PARD3: variants seen among roughly 807,000 people sequenced by gnomAD.
PARD3 encodes the protein par-3 family cell polarity regulator, also known as partitioning defective 3 homolog.
In PARD3, 75 loss-of-function variants were observed where a neutral mutation model predicts 155.4. The observed-to-expected ratio is 0.48, with a 90% CI of 0.40 to 0.58. The LOEUF is 0.58. Ranked by LOEUF, PARD3 falls within the 20% of genes least tolerant of loss-of-function variation. PARD3 has a pLI of 0.00. For missense variants in PARD3, 1,642 were observed against 1,721.7 expected, an observed-to-expected ratio of 0.95 and a Z score of 0.82; for synonymous variants, 576 against 610.5, an observed-to-expected ratio of 0.94 and a Z score of 0.83.
intron 22 of PARD3, among the ~76,000 whole-genome samples, chr10:34,194,460 A>T (rs1950851193): frequency 6.6e-6 from 1 of 152,192 alleles, no homozygotes; most frequent in Non-Finnish European, 1.5e-5. Flanking sequence ...TCGCACAGAG[A>T]AAGCAAAAAA....
At position 34,331,296 on chromosome 10, in the gene PARD3, C is replaced by T. The variant is rs1835590101; in HGVS notation, c.2654G>A (p.Ser885Asn). ...VGPSLGLKKS[S>N]SLESLQTAVA... is the part of the protein sequence containing the mutation. ...TGCGGTCTGCAGACTCTCCAACGAGCTTGACTTCTTCAGACCCAGGGAAGG... is the reference window on the plus strand; with the variant it reads ...TGCGGTCTGCAGACTCTCCAACGAGTTTGACTTCTTCAGACCCAGGGAAGG... The change falls in exon 19 of 25, where the codon AGC (serine) becomes AAC (asparagine). Residue 885 changes from serine to asparagine, a missense_variant. Ser to Asn is a conservative substitution (Grantham distance 46). Transcript: ENST00000374788. 2 of 1,613,956 alleles carry T rather than the reference C, an allele frequency of 1.2e-6. No homozygotes were observed. Among genetic ancestry groups the T allele is most frequent in the South Asian group, 2.2e-5 (2 of 91,076 alleles).
rs148582124 is a variant in PARD3 at position 34,382,798 on chromosome 10, G to A, written c.1141C>T (p.Arg381Cys). 37 of 1,614,134 alleles carry A rather than the reference G, an allele frequency of 2.3e-5. No homozygotes were observed. The South Asian group carries it at 2.5e-4, about 11-fold the overall frequency. The change falls in exon 9 of 25, where the codon CGT (arginine) becomes TGT (cysteine). Residue 381 changes from arginine to cysteine, a missense_variant. Transcript: ENST00000374788. ...ATATACTGGCTGTCAGGGCTAAAAC[G>A]GCTTGAATAGTAATTGTTCTTCTCA... is the stretch of plus-strand genomic sequence containing the variant. ...QSEKNNYYSS[R>C]FSPDSQYIDN... is the part of the protein sequence containing the mutation.
chr10:34,440,821 C>T (rs975951030), intron 5 of PARD3, among the ~76,000 whole-genome samples: 3 of 152,010 alleles, frequency 2.0e-5, no homozygotes, highest in African/African-American at 4.8e-5. Context: ...ATTCATATCA[C>T]GAAGGGACCC....
chr10:34,606,735 C>A (rs1285467982), intron 2 of PARD3, among the ~76,000 whole-genome samples: 1 of 151,036 alleles, frequency 6.6e-6, no homozygotes, highest in Non-Finnish European at 1.5e-5. Flanking sequence ...TTTGGGAGGC[C>A]AAGGCGGGCA....
At chr10:34,701,179 G>A (rs1461419419) in intron 1 of PARD3, among the ~76,000 whole-genome samples, 1 of 152,132 alleles carries the variant, frequency 6.6e-6, no homozygotes, top group African/African-American at 2.4e-5. Context: ...CCTGAGCAGG[G>A]GGAAGGGTGT....
chr10:34,573,472 T>C (rs11009821), intron 2 of PARD3, among the ~76,000 whole-genome samples: 72,265 of 151,776 alleles, frequency 0.48, 18,017 homozygotes, highest in African/African-American at 0.64. Flanking sequence ...GAGGCCAAGG[T>C]GGGTGGATTG....
chr10:34,363,038 GGA>G (rs1839608585), intron 12 of PARD3, among the ~76,000 whole-genome samples: 1 of 152,114 alleles, frequency 6.6e-6, no homozygotes, highest in Admixed American at 6.6e-5. Flanking sequence ...TTCTTTCTAT[GGA>G]CACACCTAAG....
At chr10:34,493,810 C>T (rs946680848) in intron 3 of PARD3, among the ~76,000 whole-genome samples, 2 of 151,928 alleles carry the variant, frequency 1.3e-5, no homozygotes, top group East Asian at 3.9e-4. Flanking sequence ...AAAGATAATA[C>T]TCAAAAATCT....
rs969629465 is a variant in PARD3 at position 34,379,523 on chromosome 10, C to T, written c.1400-1417G>A. 3.2e-4 allele frequency among the ~76,000 whole-genome samples: 49 copies of T among 152,070 alleles called. 1 individual carries two copies. ...ATGAAACTCTAATGACTTGCAATAACATTTATTAAGAAAGAATTCTTAATT... is the reference window on the plus strand; with the variant it reads ...ATGAAACTCTAATGACTTGCAATAATATTTATTAAGAAAGAATTCTTAATT... On this transcript the variant is annotated intron_variant, in intron 9 of 24. Transcript: ENST00000374788.
chr10:34,519,501 C>T (rs1207930675), intron 2 of PARD3, among the ~76,000 whole-genome samples: 3 of 151,916 alleles, frequency 2.0e-5, no homozygotes, highest in East Asian at 1.9e-4. Flanking sequence ...TCTTAAAATG[C>T]TAATATACTT....
At chr10:34,507,714 T>C (rs141650014) in intron 3 of PARD3, among the ~76,000 whole-genome samples, 195 of 152,260 alleles carry the variant, frequency 1.3e-3, no homozygotes, top group African/African-American at 4.4e-3. Context: ...AAAATTACAA[T>C]AATTACAGCA....
intron 5 of PARD3, among the ~76,000 whole-genome samples, chr10:34,438,179 A>G (rs1056785136): frequency 6.6e-6 from 1 of 152,212 alleles, no homozygotes; most frequent in Non-Finnish European, 1.5e-5. Flanking sequence ...ATGTTCAACT[A>G]CAAGACATTC....
At chr10:34,252,319 AC>A (rs1186621526) in intron 22 of PARD3, among the ~76,000 whole-genome samples, 3 of 151,596 alleles carry the variant, frequency 2.0e-5, no homozygotes, top group Non-Finnish European at 4.4e-5. Flanking sequence ...CCTCTGACTC[AC>A]TCCCTCCTAA....
At chr10:34,578,997 G>A (rs10827382) in intron 2 of PARD3, among the ~76,000 whole-genome samples, 53,717 of 152,122 alleles carry the variant, frequency 0.35, 9,770 homozygotes, top group South Asian at 0.43. Flanking sequence ...ATAAGGCTGC[G>A]CGCAGTAGCT....
intron 1 of PARD3, among the ~76,000 whole-genome samples, chr10:34,761,203 G>A (rs1463032229): frequency 3.3e-5 from 5 of 152,062 alleles, no homozygotes; most frequent in Non-Finnish European, 7.4e-5. Flanking sequence ...TTGAAGTCAG[G>A]AGTTTGAGAC....
At chr10:34,187,152 G>C (rs1429486188) in intron 22 of PARD3, among the ~76,000 whole-genome samples, 1 of 152,188 alleles carries the variant, frequency 6.6e-6, no homozygotes, top group Non-Finnish European at 1.5e-5. Flanking sequence ...CATGGGGGTA[G>C]AGAGTGGAGA....
intron 15 of PARD3, among the ~76,000 whole-genome samples, chr10:34,342,247 C>CA (rs1312280197): frequency 6.6e-6 from 1 of 152,236 alleles, no homozygotes; most frequent in Non-Finnish European, 1.5e-5. Context: ...CTGCAAGACA[C>CA]AGTCTCTGTC....
intron 1 of PARD3, among the ~76,000 whole-genome samples, chr10:34,757,816 A>C (rs1836945006): frequency 6.6e-6 from 1 of 152,216 alleles, no homozygotes; most frequent in Non-Finnish European, 1.5e-5. Context: ...CATCAGTGAC[A>C]CATTTTTCTG....
intron 3 of PARD3, among the ~76,000 whole-genome samples, chr10:34,505,483 G>T (rs1043772155): frequency 6.6e-6 from 1 of 152,110 alleles, no homozygotes; most frequent in Non-Finnish European, 1.5e-5. Context: ...TGCACAGGGG[G>T]TCCAGTAGCA....
Sources: allele counts gnomAD v4.1 joint callset (sites outside exome capture counted in the v4.1 genomes callset), GRCh38; gene constraint gnomAD v4.1.1; transcripts MANE v1.5; gene names NCBI Gene and HGNC (gene_info 2026-07-23, HGNC 2026-07-21).